Variants in MYRIP observed in about 807,000 individuals in gnomAD.
The protein encoded by MYRIP is rab effector MyRIP.
Under a neutral mutation model 98.0 loss-of-function variants are expected in MYRIP, and 49 were observed. That is an observed-to-expected ratio of 0.50 (90% confidence interval 0.40 to 0.63). The LOEUF (loss-of-function observed/expected upper bound fraction) is 0.63, where lower values mean the gene tolerates loss of function less well. Among genes scored for constraint, MYRIP ranks in the 30% least tolerant of loss-of-function variants. The probability of loss-of-function intolerance (pLI) is 0.00; values close to 1 mark genes in which losing one functional copy is unlikely to be tolerated. For synonymous variants in MYRIP, 404 were observed against 409.5 expected (o/e 0.99, Z 0.16); for missense variants, 1,004 against 1,058.2 (o/e 0.95, Z 0.71).
At chr3:40,240,625 G>T (rs918864423) in intron 12 of MYRIP, among the ~76,000 whole-genome samples, 1 of 152,162 alleles carries the variant, frequency 6.6e-6, no homozygotes, top group Non-Finnish European at 1.5e-5. Flanking sequence ...GAATTATCTT[G>T]TCTCTCAGCT....
intron 2 of MYRIP, among the ~76,000 whole-genome samples, chr3:39,966,496 G>A (rs1416022141): frequency 6.6e-6 from 1 of 152,200 alleles, no homozygotes; most frequent in African/African-American, 2.4e-5. Flanking sequence ...GTTCCAGCAG[G>A]AAATAGTACA....
intron 11 of MYRIP, among the ~76,000 whole-genome samples, chr3:40,230,347 G>A (rs987185826): frequency 1.3e-5 from 2 of 152,192 alleles, no homozygotes; most frequent in Admixed American, 1.3e-4. Context: ...CCACATACAG[G>A]GCTCCCTGTC....
chr3:40,208,441 A>G (rs2125662929), intron 10 of MYRIP, among the ~76,000 whole-genome samples: 1 of 152,296 alleles, frequency 6.6e-6, no homozygotes, highest in Middle Eastern at 3.4e-3. Context: ...ACATCTGTCT[A>G]ACTGAAGGCC....
At chr3:40,168,947 C>A (rs953651188) in intron 7 of MYRIP, among the ~76,000 whole-genome samples, 3 of 152,222 alleles carry the variant, frequency 2.0e-5, no homozygotes, top group Non-Finnish European at 4.4e-5. Flanking sequence ...ACATCCCTTC[C>A]GTATGCCAAG....
intron 1 of MYRIP, among the ~76,000 whole-genome samples, chr3:39,853,678 C>A (rs1367623666): frequency 6.6e-6 from 1 of 152,086 alleles, no homozygotes; most frequent in Non-Finnish European, 1.5e-5. Context: ...GTATGGCTTG[C>A]AAATATTTTC....
intron 3 of MYRIP, among the ~76,000 whole-genome samples, chr3:40,085,794 A>C (rs1948614081): frequency 6.6e-6 from 1 of 152,248 alleles, no homozygotes; most frequent in Admixed American, 6.5e-5. Context: ...TGGGTACATA[A>C]AATAGACTAT....
chr3:39,834,545 G>A (rs1941565584), intron 1 of MYRIP, among the ~76,000 whole-genome samples: 1 of 152,042 alleles, frequency 6.6e-6, no homozygotes, highest in African/African-American at 2.4e-5. Flanking sequence ...TAAATTTTGT[G>A]TTTCATTTTG....
chr3:40,240,950 G>T (rs1952992177), intron 12 of MYRIP, among the ~76,000 whole-genome samples: 1 of 152,124 alleles, frequency 6.6e-6, no homozygotes, highest in South Asian at 2.1e-4. Context: ...CCTAGACAGT[G>T]GTATCTCCAC....
At chr3:39,923,345 A>G (rs1944345440) in intron 2 of MYRIP, among the ~76,000 whole-genome samples, 1 of 152,174 alleles carries the variant, frequency 6.6e-6, no homozygotes, top group Admixed American at 6.5e-5. Context: ...CAAAAACCTG[A>G]GTGAATACCA....
chr3:40,003,549 A>C (rs1451781953), intron 2 of MYRIP, among the ~76,000 whole-genome samples: 1 of 152,154 alleles, frequency 6.6e-6, no homozygotes, highest in Non-Finnish European at 1.5e-5. Context: ...ACCTATAATG[A>C]CAGCTCTGGA....
At chr3:39,925,080 G>T (rs1944390641) in intron 2 of MYRIP, among the ~76,000 whole-genome samples, 1 of 151,148 alleles carries the variant, frequency 6.6e-6, no homozygotes, top group Non-Finnish European at 1.5e-5. Flanking sequence ...CCCAAAGCAA[G>T]CAGAAGGAAG....
At chr3:39,989,823 G>T (rs1418354697) in intron 2 of MYRIP, among the ~76,000 whole-genome samples, 2 of 152,246 alleles carry the variant, frequency 1.3e-5, no homozygotes, top group Non-Finnish European at 2.9e-5. Context: ...GACTGTGGGG[G>T]ATACCTCTTG....
chr3:39,961,862 A>G (rs1185098595), intron 2 of MYRIP, among the ~76,000 whole-genome samples: 1 of 152,046 alleles, frequency 6.6e-6, no homozygotes, highest in Non-Finnish European at 1.5e-5. Flanking sequence ...CAAGTAGGAG[A>G]TTAAAGGGAA....
intron 2 of MYRIP, among the ~76,000 whole-genome samples, chr3:39,998,779 A>G (rs564309605): frequency 6.6e-6 from 1 of 152,182 alleles, no homozygotes; most frequent in Middle Eastern, 3.2e-3. Flanking sequence ...TTCAAACTAT[A>G]CTACAAGGCT....
In MYRIP at chr3:39,896,551, C is replaced by A. The variant is rs572267453; in HGVS notation, c.-30-4236C>A. Among the ~76,000 whole-genome samples, 4 of 152,304 alleles carry A rather than the reference C, an allele frequency of 2.6e-5. No individual in the cohort carries two copies. The South Asian group carries it at 8.3e-4, about 32-fold the overall frequency. On this transcript the variant is annotated intron_variant, in intron 1 of 16. Transcript: ENST00000302541. The stretch of plus-strand genomic sequence containing the variant: ...CATGCCTTAAATGTGAGAGTCTTAA[C>A]ATTTAGGTTTCTCTATAGTTGTAAG...
At chr3:40,218,634 A>T (rs1193506241) in intron 11 of MYRIP, among the ~76,000 whole-genome samples, 13,468 of 75,412 alleles carry the variant, frequency 0.18, 1,305 homozygotes, top group Middle Eastern at 0.27. Context: ...ATATATATAT[A>T]TATATATATA....
chr3:39,959,535 A>G lies in MYRIP; in HGVS notation c.110+58609A>G, dbSNP rs1168057785. 5.3e-5 allele frequency among the ~76,000 whole-genome samples: 8 copies of G among 152,100 alleles called. No homozygotes were observed. The East Asian group carries it at 5.8e-4, about 11-fold the overall frequency. On this transcript the variant is annotated intron_variant, in intron 2 of 16. Transcript: ENST00000302541. ...TCAGGGCCTGTCATGGGGTAGGGGG[A>G]GCAGGGAGGGATGGCATTAGGAGAT...
intron 9 of MYRIP, 54 bp downstream of exon 9, chr3:40,182,427 G>T: frequency 6.4e-7 from 1 of 1,566,326 alleles, no homozygotes; most frequent in South Asian, 1.2e-5. Flanking sequence ...AGTGTGGTTT[G>T]GAGACATCTT....
At chr3:40,150,122 G>A (rs949496202) in intron 3 of MYRIP, among the ~76,000 whole-genome samples, 37 of 151,480 alleles carry the variant, frequency 2.4e-4, no homozygotes, top group African/African-American at 7.8e-4. Flanking sequence ...TCACTCTGTC[G>A]CCCAGGCTGG....
Sources: allele counts gnomAD v4.1 joint callset (sites outside exome capture counted in the v4.1 genomes callset), GRCh38; gene constraint gnomAD v4.1.1; transcripts MANE v1.5; gene names NCBI Gene and HGNC (gene_info 2026-07-23, HGNC 2026-07-21).